Variants in PPP3R1 observed in about 807,000 individuals in gnomAD.
The protein encoded by PPP3R1 is calcineurin subunit B type 1.
PPP3R1 carries 5 observed loss-of-function variants against 22.6 expected under a neutral mutation model. The ratio of observed to expected loss-of-function variants is 0.22; its 90% CI spans 0.12 to 0.46. The LOEUF is 0.46. Among genes scored for constraint, PPP3R1 ranks in the 20% least tolerant of loss-of-function variants. PPP3R1 has a pLI of 0.99. For missense variants in PPP3R1, 61 were observed against 203.2 expected, an observed-to-expected ratio of 0.30 and a Z score of 4.25; for synonymous variants, 56 against 65.2, an observed-to-expected ratio of 0.86 and a Z score of 0.68.
intron 5 of PPP3R1, among the ~76,000 whole-genome samples, chr2:68,184,324 C>A (rs773365011): frequency 3.3e-5 from 5 of 152,232 alleles, no homozygotes; most frequent in Admixed American, 2.0e-4. Flanking sequence ...GATTTCCAAG[C>A]TGATAAAGCT....
intron 1 of PPP3R1, among the ~76,000 whole-genome samples, chr2:68,240,994 C>T (rs774908610): frequency 3.9e-5 from 6 of 152,122 alleles, no homozygotes; most frequent in Non-Finnish European, 7.4e-5. Context: ...TTCAAGAGTT[C>T]CCGACAAGGT....
chr2:68,229,973 T>TACATACACAC (rs1553408563), intron 1 of PPP3R1, among the ~76,000 whole-genome samples: 1 of 143,140 alleles, frequency 7.0e-6, no homozygotes, highest in African/African-American at 2.6e-5. Context: ...TATACACACA[T>TACATACACAC]ACACACACAC....
intron 1 of PPP3R1, among the ~76,000 whole-genome samples, chr2:68,232,276 T>TAC (rs1491066111): frequency 6.7e-5 from 8 of 118,720 alleles, no homozygotes; most frequent in African/African-American, 6.5e-5. Flanking sequence ...TATATATATA[T>TAC]ACACACACAC....
chr2:68,188,393 C>T lies in PPP3R1; in HGVS notation c.220+121G>A, dbSNP rs1674590625. On this transcript the variant is annotated intron_variant, in intron 3 of 5. Coordinates refer to ENST00000234310, the MANE Select transcript of PPP3R1 (RefSeq NM_000945.4). ...TATGCCACAGACGCTGAGGTTTTAA[C>T]ATAATCTATTATTGTAAGGTCACTA... 4.0e-6 allele frequency: 3 copies of T among 741,312 alleles called. No individual in the cohort carries two copies. In the Admixed American group the frequency reaches 1.1e-4, roughly 26 times the overall value. 45.9% of individuals were successfully genotyped at this position (741,312 alleles called of 1,614,324 possible).
intron 1 of PPP3R1, among the ~76,000 whole-genome samples, chr2:68,250,810 C>G (rs1284726716): frequency 6.6e-6 from 1 of 150,940 alleles, no homozygotes; most frequent in Non-Finnish European, 1.5e-5. Flanking sequence ...TAAATAAAAG[C>G]TGACTTACCT....
chr2:68,231,266 T>C (rs542282568), intron 1 of PPP3R1, among the ~76,000 whole-genome samples: 1 of 152,308 alleles, frequency 6.6e-6, no homozygotes, highest in East Asian at 1.9e-4. Context: ...CTATTAAGCC[T>C]ACTCACTGGG....
chr2:68,231,508 G>A (rs969102318), intron 1 of PPP3R1, among the ~76,000 whole-genome samples: 1 of 151,796 alleles, frequency 6.6e-6, no homozygotes, highest in African/African-American at 2.4e-5. Flanking sequence ...GGTATTCTAT[G>A]AAAAAAAGCA....
chr2:68,246,976 A>G (rs1264273054), intron 1 of PPP3R1, among the ~76,000 whole-genome samples: 1 of 132,198 alleles, frequency 7.6e-6, no homozygotes, highest in Admixed American at 7.8e-5. Context: ...CCCGCCCCCC[A>G]AAACAGTCTT....
chr2:68,229,125 C>T (rs1382976011), intron 1 of PPP3R1, among the ~76,000 whole-genome samples: 1 of 151,966 alleles, frequency 6.6e-6, no homozygotes, highest in African/African-American at 2.4e-5. Context: ...TCAAGTGATC[C>T]TCTCCCACCT....
chr2:68,227,101 T>C (rs530007616), intron 1 of PPP3R1, among the ~76,000 whole-genome samples: 1 of 152,208 alleles, frequency 6.6e-6, no homozygotes, highest in African/African-American at 2.4e-5. Flanking sequence ...CTTTACAGAA[T>C]GCATCTATAA....
intron 2 of PPP3R1, among the ~76,000 whole-genome samples, chr2:68,209,357 TCAAAAAAAAAAAAAAAAA>T (rs1669422408): frequency 8.2e-5 from 1 of 12,212 alleles, no homozygotes; most frequent in African/African-American, 3.8e-4. Flanking sequence ...AGACTCTGTC[TCAAAAAAAAAAAAAAAAA>T]AAAAAAAAAA....
intron 1 of PPP3R1, among the ~76,000 whole-genome samples, chr2:68,241,318 T>A (rs1670131969): frequency 6.6e-6 from 1 of 152,266 alleles, no homozygotes; most frequent in East Asian, 1.9e-4. Context: ...TATTTTTTAT[T>A]TTTTTTCCCC....
chr2:68,225,039 GAC>G (rs1003561321), intron 1 of PPP3R1, among the ~76,000 whole-genome samples: 1 of 152,168 alleles, frequency 6.6e-6, no homozygotes. Flanking sequence ...TTTAAAAATG[GAC>G]ACACAAAGTG....
intron 4 of PPP3R1, 68 bp downstream of exon 4, chr2:68,187,187 G>A (rs1674563340): frequency 8.1e-7 from 1 of 1,228,318 alleles, no homozygotes; most frequent in African/African-American, 1.5e-5. Context: ...ATTTTAAAAA[G>A]CATTCTATAA....
intron 2 of PPP3R1, among the ~76,000 whole-genome samples, 161 bp from the exon 3 acceptor site, chr2:68,188,851 G>GTA (rs1202348470): frequency 2.0e-5 from 3 of 152,070 alleles, no homozygotes; most frequent in African/African-American, 7.2e-5. Context: ...ATAAAAAGAG[G>GTA]TATATATTAT....
intron 2 of PPP3R1, among the ~76,000 whole-genome samples, chr2:68,196,914 G>C (rs539957297): frequency 6.6e-6 from 1 of 152,096 alleles, no homozygotes; most frequent in East Asian, 1.9e-4. Flanking sequence ...TGGTAGAGAC[G>C]GAATTTCACC....
chr2:68,183,057 G>A (rs1674448629), intron 5 of PPP3R1, among the ~76,000 whole-genome samples: 1 of 152,064 alleles, frequency 6.6e-6, no homozygotes, highest in South Asian at 2.1e-4. Context: ...TCACCATGCT[G>A]GACCCTCTGC....
intron 3 of PPP3R1, 74 bp from the exon 4 acceptor site, chr2:68,187,388 AC>A (rs1405060354): frequency 1.6e-6 from 2 of 1,259,526 alleles, no homozygotes; most frequent in Non-Finnish European, 2.3e-6. Context: ...TACCTTACAT[AC>A]CCACAAAAGG....
chr2:68,212,507 C>CCA (rs1439636512), intron 2 of PPP3R1, among the ~76,000 whole-genome samples: 1 of 152,210 alleles, frequency 6.6e-6, no homozygotes, highest in Non-Finnish European at 1.5e-5. Context: ...ACTCTTTACT[C>CCA]CATGGGCTAC....
Sources: gnomAD v4.1 joint callset for allele counts (sites outside exome capture counted in the v4.1 genomes callset) on GRCh38, gnomAD v4.1.1 for gene constraint, MANE v1.5 for transcripts, NCBI Gene and HGNC (gene_info 2026-07-23, HGNC 2026-07-21) for gene names.